YJU2B: variants seen among roughly 807,000 people sequenced by gnomAD.
YJU2B encodes probable splicing factor YJU2B.
A neutral mutation model predicts 38.0 loss-of-function variants in YJU2B; 18 were observed. That is an observed-to-expected ratio of 0.47 (90% CI 0.33 to 0.70). YJU2B has a LOEUF of 0.70. Ranked by LOEUF, YJU2B falls within the 30% of genes least tolerant of loss-of-function variation. The pLI, the probability that YJU2B is intolerant of heterozygous loss-of-function variation, is 0.02. For missense variants in YJU2B, 538 were observed against 556.3 expected, an observed-to-expected ratio of 0.97 and a Z score of 0.33; for synonymous variants, 246 against 225.4, an observed-to-expected ratio of 1.09 and a Z score of -0.82.
chr19:13,735,685 C>A (rs1972924592), intron 2 of YJU2B, among the ~76,000 whole-genome samples: 1 of 152,154 alleles, frequency 6.6e-6, no homozygotes, highest in Non-Finnish European at 1.5e-5. Context: ...GTGGCAGGGG[C>A]TCCTTTGTGG....
At chr19:13,736,006 C>T (rs1271257265) in intron 2 of YJU2B, among the ~76,000 whole-genome samples, 1 of 148,978 alleles carries the variant, frequency 6.7e-6, no homozygotes. Flanking sequence ...GAGCCGAGAT[C>T]GCGCCACTAC....
At chr19:13,735,906 G>T (rs960476380) in intron 2 of YJU2B, among the ~76,000 whole-genome samples, 1 of 151,968 alleles carries the variant, frequency 6.6e-6, no homozygotes, top group African/African-American at 2.4e-5. Context: ...CAGAAAATTA[G>T]CCGGGCGTGG....
chr19:13,750,450 C>T (rs1973413744), intron 1 of YJU2B, among the ~76,000 whole-genome samples: 1 of 152,154 alleles, frequency 6.6e-6, no homozygotes, highest in Non-Finnish European at 1.5e-5. Context: ...TGGTCTTGAA[C>T]TCCTGACCTC....
intron 3 of YJU2B, among the ~76,000 whole-genome samples, chr19:13,755,483 G>A (rs937042140): frequency 1.3e-5 from 2 of 150,828 alleles, no homozygotes; most frequent in African/African-American, 4.9e-5. Context: ...AAAAAATAAG[G>A]TGATGCACAT....
At chr19:13,745,727 C>A (rs868701240), upstream of YJU2B, among the ~76,000 whole-genome samples, 203 of 84,140 alleles carry the variant, frequency 2.4e-3, 2 homozygotes, top group African/African-American at 8.4e-3. Context: ...CTATAGATAT[C>A]TATATATATA....
Position 13,762,778 on chromosome 19 carries a change from C to T in YJU2B, c.901C>T (p.Arg301Trp), listed in dbSNP as rs1370840008. 3.7e-6 allele frequency: 6 copies of T among 1,602,742 alleles called. No homozygotes were observed. Among genetic ancestry groups the T allele is most frequent in the Non-Finnish European group, 5.1e-6 (6 of 1,176,030 alleles). Residue 301 changes from arginine (R) to tryptophan (W), a missense_variant, in exon 10 of 10, where the codon CGG (arginine) becomes TGG (tryptophan). By Grantham distance (101) the Arg-to-Trp change is moderately radical (BLOSUM62 -3). Transcript: ENST00000221554. The stretch of plus-strand genomic sequence containing the variant: ...CCTGGGCATCGTGCGGCGGAGGTCT[C>T]GGGACGTCCCGGAGAGCCCCCAGCA... ...GDLGIVRRRS[R>W]DVPESPQHAA...
At position 13,759,343 on chromosome 19, in the gene YJU2B, C is replaced by T. The variant is rs533264818; in HGVS notation, c.573+71C>T. On this transcript the variant is annotated intron_variant, in intron 8 of 9. Transcript: ENST00000221554. ...CAAGGCCCGGGTCCAGCCCTCCCCC[C>T]ACCACATCCTAGCTTTGAGCAGGCC... is the stretch of plus-strand genomic sequence containing the variant. The T allele has an allele frequency of 2.8e-5, 35 of 1,258,464 alleles. No homozygotes were observed. The Admixed American group carries it at 3.6e-4, about 13-fold the overall frequency. 78.0% of individuals were successfully genotyped at this position (1,258,464 alleles called of 1,614,324 possible).
rs3059654 is a variant in YJU2B at position 13,759,797 on chromosome 19, AT to A, written c.573+542del. Among the ~76,000 whole-genome samples, 501 of 129,804 alleles carry A rather than the reference AT, an allele frequency of 3.9e-3. 3 individuals are homozygous for A. The highest frequency in any genetic ancestry group is 0.011 in the African/African-American group (371 of 33,832). The allele number at this position is 129,804 out of a possible 152,430, so 85.2% of individuals were successfully genotyped here. On this transcript the variant is annotated intron_variant, in intron 8 of 9. Transcript: ENST00000221554. ...TACCCACCACCACCACGCCTGGCTA[AT>A]TTTTTTTTTTTTTTTTGAGACTGAG...
In YJU2B at chr19:13,755,736, A is replaced by T. The variant is rs1339273715; in HGVS notation, c.58-461A>T. ...TTTGGGAGGCCGAGGCAAGTGGATC[A>T]CCTGAGGTCAGGAGTTGGAGACCAG... On this transcript the variant is annotated intron_variant, in intron 3 of 9. Coordinates refer to ENST00000221554, the MANE Select transcript of YJU2B (RefSeq NM_030818.4). Among the ~76,000 whole-genome samples, 3 of 152,016 alleles carry T rather than the reference A, an allele frequency of 2.0e-5. No homozygotes were observed. In the South Asian group the frequency reaches 6.2e-4, roughly 32 times the overall value.
At chr19:13,757,378 A>G in intron 4 of YJU2B, 40 bp from the exon 5 acceptor site, 1 of 1,592,606 alleles carries the variant, frequency 6.3e-7, no homozygotes, top group South Asian at 1.1e-5. Flanking sequence ...GGGAGTGTCC[A>G]AGTGGACAAG....
chr19:13,747,609 T>TA (rs1973288491), upstream of YJU2B, among the ~76,000 whole-genome samples: 1 of 152,236 alleles, frequency 6.6e-6, no homozygotes, highest in Non-Finnish European at 1.5e-5. Context: ...TAGCTGGGAC[T>TA]ACAGGGGCCC....
At chr19:13,760,028 G>A (rs1238945235) in intron 8 of YJU2B, among the ~76,000 whole-genome samples, 1 of 152,038 alleles carries the variant, frequency 6.6e-6, no homozygotes, top group Non-Finnish European at 1.5e-5. Context: ...CCATCCTCAG[G>A]TTATCTGCCT....
chr19:13,753,077 G>A (rs1973531171), intron 2 of YJU2B, among the ~76,000 whole-genome samples: 2 of 152,152 alleles, frequency 1.3e-5, no homozygotes, highest in Non-Finnish European at 2.9e-5. Flanking sequence ...CACCATAGGA[G>A]CATCTGAACC....
chr19:13,761,005 G>A (rs761224366), intron 8 of YJU2B, among the ~76,000 whole-genome samples: 34 of 152,034 alleles, frequency 2.2e-4, no homozygotes, highest in Non-Finnish European at 4.1e-4. Context: ...CTGGCCTCAT[G>A]TGATCCACCC....
intron 2 of YJU2B, among the ~76,000 whole-genome samples, chr19:13,737,741 TGC>T (rs1599489492): frequency 6.9e-6 from 1 of 144,464 alleles, no homozygotes; most frequent in Non-Finnish European, 1.5e-5. Flanking sequence ...GCTGAGATCA[TGC>T]CACTGCACTC....
chr19:13,745,686 G>GATAGATAGATAGATAGATAGAT (rs1555699815), upstream of YJU2B, among the ~76,000 whole-genome samples: 9 of 96,276 alleles, frequency 9.3e-5, no homozygotes, highest in South Asian at 6.9e-4. Context: ...TAGATAGATA[G>GATAGATAGATAGATAGATAGAT]ATAGATATAG....
At chr19:13,743,508 A>G (rs1973147323), upstream of YJU2B, among the ~76,000 whole-genome samples, 1 of 147,814 alleles carries the variant, frequency 6.8e-6, no homozygotes, top group Non-Finnish European at 1.5e-5. Flanking sequence ...TGAACCTGGG[A>G]AGTTGAGGTT....
At position 13,763,071 on chromosome 19, in the gene YJU2B, G is replaced by GA; in HGVS notation, c.*4dup. The stretch of plus-strand genomic sequence containing the variant: ...ACTCCGACTCGGAGAGTGAGTGAGC[G>GA]ATCCCCATCCTGGAGACTGGACCCG... On this transcript the variant is annotated 3_prime_UTR_variant, in exon 10 of 10. Transcript: ENST00000221554. The GA allele has an allele frequency of 6.5e-7, 1 of 1,541,512 alleles. No individual in the cohort carries two copies. Among genetic ancestry groups the GA allele is most frequent in the Non-Finnish European group, 8.7e-7 (1 of 1,143,536 alleles).
At chr19:13,743,718 C>G (rs916841387), upstream of YJU2B, among the ~76,000 whole-genome samples, 1 of 148,092 alleles carries the variant, frequency 6.8e-6, no homozygotes, top group African/African-American at 2.5e-5. Flanking sequence ...CATGACGAAG[C>G]CCTGTCTCTA....
Sources: allele counts gnomAD v4.1 joint callset (sites outside exome capture counted in the v4.1 genomes callset), GRCh38; gene constraint gnomAD v4.1.1; transcripts MANE v1.5; gene names NCBI Gene and HGNC (gene_info 2026-07-23, HGNC 2026-07-21).